Variants in LUM observed in about 807,000 individuals in gnomAD.
LUM encodes the protein lumican.
A neutral mutation model predicts 20.5 loss-of-function variants in LUM; 13 were observed. That is an observed-to-expected ratio of 0.63 (90% CI 0.41 to 1.01). LUM has a LOEUF of 1.01. Among genes scored for constraint, LUM ranks in the 50% least tolerant of loss-of-function variants. The pLI is 0.00. For synonymous variants in LUM, 173 were observed against 151.5 expected, an observed-to-expected ratio of 1.14 and a Z score of -1.04; for missense variants, 321 against 391.1, an observed-to-expected ratio of 0.82 and a Z score of 1.51.
intron 2 of LUM, among the ~76,000 whole-genome samples, chr12:91,107,238 G>GGAAAGAAAGAAAGAAAGAAAGAAGGAAA (rs1880068358): frequency 5.9e-5 from 4 of 67,298 alleles, no homozygotes; most frequent in African/African-American, 2.1e-4. Flanking sequence ...AAGAAAGAAA[G>GGAAAGAAAGAAAGAAAGAAAGAAGGAAA]GAAAGAAAGA....
intron 2 of LUM, among the ~76,000 whole-genome samples, chr12:91,106,835 G>A (rs974307930): frequency 1.3e-5 from 2 of 151,950 alleles, no homozygotes; most frequent in Non-Finnish European, 2.9e-5. Flanking sequence ...TGACAGCAGA[G>A]TAACATGGTG....
intron 2 of LUM, among the ~76,000 whole-genome samples, chr12:91,105,539 G>C (rs1880011839): frequency 6.6e-6 from 1 of 152,038 alleles, no homozygotes; most frequent in Admixed American, 6.5e-5. Flanking sequence ...ACATTGAGGG[G>C]AACTTTCTGT....
chr12:91,108,405 C>A lies in LUM; in HGVS notation c.575G>T (p.Ser192Ile), dbSNP rs1026740591. The A allele has an allele frequency of 6.2e-7, 1 of 1,614,018 alleles. No individual in the cohort carries two copies. Among genetic ancestry groups the A allele is most frequent in the African/African-American group, 1.3e-5 (1 of 74,924 alleles). ...GLKSLEYLDL[S>I]FNQIARLPSG... ...AGGCAGTCTGGCTATCTGATTGAAGCTCAAGTCAAGGTATTCGAGTGATTT... is the reference window on the plus strand; with the variant it reads ...AGGCAGTCTGGCTATCTGATTGAAGATCAAGTCAAGGTATTCGAGTGATTT... Residue 192 changes from serine (S) to isoleucine (I), a missense_variant, in exon 2 of 3, where the codon AGC becomes ATC. Transcript: ENST00000266718. This position sits in a 1 kb window ranked among gnomAD's most constrained non-coding sequence, Gnocchi z 4.2.
chr12:91,106,690 T>TTAAA (rs1880038992), intron 2 of LUM, among the ~76,000 whole-genome samples: 1 of 90,584 alleles, frequency 1.1e-5, no homozygotes, highest in African/African-American at 4.6e-5. Context: ...ATTTTTCTTC[T>TTAAA]AAAAAAAAAA....
At chr12:91,107,774 G>C (rs1406057090) in intron 2 of LUM, among the ~76,000 whole-genome samples, 1 of 151,878 alleles carries the variant, frequency 6.6e-6, no homozygotes, top group East Asian at 1.9e-4. Flanking sequence ...TGAGTACAGT[G>C]GCACGATCTC....
chr12:91,103,147 CT>C lies in LUM; in HGVS notation c.*1017del, dbSNP rs1349652491. The C allele has an allele frequency of 2.0e-5, 3 of 152,028 alleles. No individual in the cohort carries two copies. The highest frequency in any genetic ancestry group is 2.0e-4 in the Admixed American group (3 of 15,238). 9.4% of individuals were successfully genotyped at this position (152,028 alleles called of 1,614,324 possible). A position where few individuals can be genotyped will look rare whatever the true frequency, so the allele number is the denominator to read the frequency against. On this transcript the variant is annotated 3_prime_UTR_variant, in exon 3 of 3. Coordinates refer to ENST00000266718, the MANE Select transcript of LUM (RefSeq NM_002345.4). ...ATGATCCAGACATATTGGCTTCAAGCTAAAATGATTTTTTAAATATCTATTT... is the reference window on the plus strand; with the variant it reads ...ATGATCCAGACATATTGGCTTCAAGCAAAATGATTTTTTAAATATCTATTT...
intron 2 of LUM, among the ~76,000 whole-genome samples, chr12:91,107,869 C>T (rs1880116907): frequency 6.6e-6 from 1 of 152,054 alleles, no homozygotes; most frequent in Non-Finnish European, 1.5e-5. Flanking sequence ...AAGTGCGACA[C>T]CACGCCTGGC....
chr12:91,108,010 G>A lies in LUM; in HGVS notation c.862+108C>T. 4 of 1,292,626 alleles carry A rather than the reference G, an allele frequency of 3.1e-6. No homozygotes were observed. The highest frequency in any genetic ancestry group is 1.2e-5 in the South Asian group (1 of 83,588). The allele number at this position is 1,292,626 out of a possible 1,614,324, so 80.1% of individuals were successfully genotyped here. On this transcript the variant is annotated intron_variant, in intron 2 of 2. Coordinates refer to ENST00000266718, the MANE Select transcript of LUM (RefSeq NM_002345.4). This position sits in a 1 kb window ranked among gnomAD's most constrained non-coding sequence, Gnocchi z 4.2. Reference sequence around the variant, plus strand: ...TTACAGGAATGAGCCACAGCGCCCGGGCGACATTTTGTTTTTTTAATGGAG... The same window carrying A: ...TTACAGGAATGAGCCACAGCGCCCGAGCGACATTTTGTTTTTTTAATGGAG...
At chr12:91,107,948 G>C (rs1880118269) in intron 2 of LUM, among the ~76,000 whole-genome samples, 170 bp downstream of exon 2, 1 of 151,890 alleles carries the variant, frequency 6.6e-6, no homozygotes, top group African/African-American at 2.4e-5. Flanking sequence ...CTCCTGACCT[G>C]GTGATCCGCC....
rs1319463290 is a variant in LUM at position 91,102,774 on chromosome 12, T to C, written c.*1391A>G. The C allele has an allele frequency of 6.6e-6, 1 of 152,110 alleles. No individual in the cohort carries two copies. Among genetic ancestry groups the C allele is most frequent in the Non-Finnish European group, 1.5e-5 (1 of 67,970 alleles). The allele number at this position is 152,110 out of a possible 1,614,324, so 9.4% of individuals were successfully genotyped here. On this transcript the variant is annotated 3_prime_UTR_variant, in exon 3 of 3. Transcript: ENST00000266718. ...AAAATACACATTGTACCTAATGTAA[T>C]ATCCATCGCACATATCTGCCAGTCA...
At chr12:91,105,874 A>G (rs1880019288) in intron 2 of LUM, among the ~76,000 whole-genome samples, 3 of 152,182 alleles carry the variant, frequency 2.0e-5, no homozygotes, top group Admixed American at 2.0e-4. Flanking sequence ...GCTCTTACGA[A>G]TAATCTCTAC....
At position 91,108,742 on chromosome 12, in the gene LUM, G is replaced by A; in HGVS notation, c.238C>T (p.His80Tyr). The change falls in exon 2 of 3, where the codon CAT (histidine) becomes TAT (tyrosine). Residue 80 changes from histidine (H) to tyrosine (Y), a missense_variant. Transcript: ENST00000266718. The surrounding 1 kb of genome is among the most constrained non-coding windows in gnomAD (Gnocchi z 4.2). ...TTCTCAAAGGCCTTTTCATCAATAT[G>A]GTCAATCTGGTTATTCCTAAGGTAA... ...YLYLRNNQID[H>Y]IDEKAFENVT... 6.2e-7 allele frequency: 1 copy of A among 1,613,990 alleles called. No homozygotes were observed. The highest frequency in any genetic ancestry group is 8.5e-7 in the Non-Finnish European group (1 of 1,179,962).
intron 1 of LUM, 106 bp from the exon 2 acceptor site, chr12:91,109,106 T>C: frequency 2.3e-6 from 2 of 856,272 alleles, no homozygotes; most frequent in Non-Finnish European, 3.6e-6. Context: ...TTTTGTTATT[T>C]TATAGCTATT....
intron 2 of LUM, among the ~76,000 whole-genome samples, chr12:91,107,353 AAGG>A (rs771116854): frequency 1.3e-5 from 2 of 149,534 alleles, no homozygotes; most frequent in African/African-American, 2.5e-5. Flanking sequence ...AAGGGAAAGA[AAGG>A]AAGGAAGAAA....
In LUM at chr12:91,108,797, T is replaced by G. The variant is rs1880136480; in HGVS notation, c.183A>C (p.Val61=). Residue 61 remains valine, a synonymous_variant, in exon 2 of 3, where the codon GTA becomes GTC. Transcript: ENST00000266718. The surrounding 1 kb of genome is among the most constrained non-coding windows in gnomAD (Gnocchi z 4.2). ...MYCDELKLKS[V]PMVPPGIKYL... is the part of the protein sequence containing the mutation. ...ACTTGATTCCAGGAGGCACCATTGG[T>G]ACACTTTTCAATTTCAGCTCATCAC... 2 of 1,613,988 alleles carry G rather than the reference T, an allele frequency of 1.2e-6. No homozygotes were observed. Among genetic ancestry groups the G allele is most frequent in the African/African-American group, 2.7e-5 (2 of 74,922 alleles).
Position 91,103,013 on chromosome 12 carries a change from A to G in LUM, c.*1152T>C, listed in dbSNP as rs1309667826. 6.6e-6 allele frequency: 1 copy of G among 152,112 alleles called. No individual in the cohort carries two copies. Among genetic ancestry groups the G allele is most frequent in the Non-Finnish European group, 1.5e-5 (1 of 67,970 alleles). The allele number at this position is 152,112 out of a possible 1,614,324, so 9.4% of individuals were successfully genotyped here. On this transcript the variant is annotated 3_prime_UTR_variant, in exon 3 of 3. Transcript: ENST00000266718. The stretch of plus-strand genomic sequence containing the variant: ...TAGGTTTTATTGTTAACTAGGTAAA[A>G]CAGAAGTTATTTTTATAAATTATAT...
intron 1 of LUM, among the ~76,000 whole-genome samples, chr12:91,111,027 C>T (rs1880192357): frequency 6.6e-6 from 1 of 152,066 alleles, no homozygotes; most frequent in Admixed American, 6.6e-5. Flanking sequence ...ATTTTGAATG[C>T]TGATTAAAAT....
intron 2 of LUM, among the ~76,000 whole-genome samples, chr12:91,107,825 C>A (rs185870782): frequency 1.1e-4 from 16 of 152,122 alleles, no homozygotes; most frequent in Admixed American, 1.0e-3. Context: ...AAGCAATTCT[C>A]CTGGCTCAGC....
chr12:91,105,859 G>T (rs1281439907), intron 2 of LUM, among the ~76,000 whole-genome samples: 2 of 152,166 alleles, frequency 1.3e-5, no homozygotes, highest in Non-Finnish European at 2.9e-5. Flanking sequence ...GAAAGAAGTA[G>T]CCCTGCTCTT....
Sources: gnomAD v4.1 joint callset for allele counts (sites outside exome capture counted in the v4.1 genomes callset) on GRCh38, gnomAD v4.1.1 for gene constraint, Gnocchi (gnomAD v3.1) non-coding constraint, MANE v1.5 for transcripts, NCBI Gene and HGNC (gene_info 2026-07-23, HGNC 2026-07-21) for gene names.